Variants in DEUP1 observed in about 807,000 individuals in gnomAD.
DEUP1 encodes coiled-coil domain containing 67.
Under a neutral mutation model 87.4 loss-of-function variants are expected in DEUP1, and 82 were observed. That is an observed-to-expected ratio of 0.94 (90% CI 0.78 to 1.13). DEUP1 has a LOEUF of 1.13. DEUP1 is among the 50% of genes most tolerant of loss of function. DEUP1 has a pLI of 0.00. For missense variants in DEUP1, 663 were observed against 681.5 expected (o/e 0.97, Z 0.30); for synonymous variants, 214 against 222.7 (o/e 0.96, Z 0.35).
At chr11:93,390,305 T>G (rs1946728164) in intron 9 of DEUP1, among the ~76,000 whole-genome samples, 2 of 152,176 alleles carry the variant, frequency 1.3e-5, no homozygotes, top group South Asian at 4.1e-4. Context: ...TAACAAACAT[T>G]TGTTGAGTAT....
intron 7 of DEUP1, among the ~76,000 whole-genome samples, chr11:93,384,263 T>G (rs2134318678): frequency 6.6e-6 from 1 of 152,324 alleles, no homozygotes; most frequent in Admixed American, 6.5e-5. Context: ...TACCCTGCAC[T>G]TCTCCTTCTA....
rs1447840763 is a variant in DEUP1 at position 93,371,163 on chromosome 11, G to A, written c.672G>A (p.Glu224=). 3.1e-6 allele frequency: 5 copies of A among 1,613,006 alleles called. No homozygotes were observed. Among genetic ancestry groups the A allele is most frequent in the East Asian group, 2.2e-5 (1 of 44,816 alleles). ...ATTGTGAAATCAATGAAAGAGATGA[G>A]TTCATTATTGAAAAACTGAAATCAG... ...DPNCEINERD[E]FIIEKLKSAV... Residue 224 remains glutamate, a synonymous_variant, in exon 7 of 14, where the codon GAG becomes GAA. Transcript: ENST00000298050.
intron 4 of DEUP1, among the ~76,000 whole-genome samples, chr11:93,362,168 T>C (rs2134236913): frequency 6.6e-6 from 1 of 152,132 alleles, no homozygotes; most frequent in African/African-American, 2.4e-5. Context: ...AATGGTTTCT[T>C]AGATATGGCA....
chr11:93,336,168 G>T (rs1591071394), intron 2 of DEUP1, among the ~76,000 whole-genome samples: 1 of 152,090 alleles, frequency 6.6e-6, no homozygotes, highest in East Asian at 1.9e-4. Flanking sequence ...TAGCTGGGGA[G>T]ACCTCAGGAA....
chr11:93,338,568 C>G (rs1202857629), intron 2 of DEUP1, among the ~76,000 whole-genome samples: 1 of 151,668 alleles, frequency 6.6e-6, no homozygotes, highest in Non-Finnish European at 1.5e-5. Flanking sequence ...GACTGGCAAT[C>G]TTTTTGTTTT....
At chr11:93,383,427 G>A (rs190709816) in intron 7 of DEUP1, 9 of 467,414 alleles carry the variant, frequency 1.9e-5, no homozygotes, top group African/African-American at 9.9e-5. Flanking sequence ...ATTCCATAGA[G>A]ATAGAACATA....
At chr11:93,331,806 G>A (rs1281758683) in intron 1 of DEUP1, among the ~76,000 whole-genome samples, 1 of 152,156 alleles carries the variant, frequency 6.6e-6, no homozygotes, top group Non-Finnish European at 1.5e-5. Context: ...CTCAAGTTTG[G>A]GAGGCCGAGG....
In DEUP1 at chr11:93,332,298, G is replaced by A. The variant is rs1246303990; in HGVS notation, c.29+10G>A. The A allele has an allele frequency of 1.2e-6, 2 of 1,603,886 alleles. No individual in the cohort carries two copies. Among genetic ancestry groups the A allele is most frequent in the Non-Finnish European group, 1.7e-6 (2 of 1,174,004 alleles). On this transcript the variant is annotated intron_variant, in intron 2 of 13. Transcript: ENST00000298050. Reference sequence around the variant, plus strand: ...CCCATAATACGATGGGGTAAGTGCTGAGAAATTTCTGTTTAATAAGTATGT... The same window carrying A: ...CCCATAATACGATGGGGTAAGTGCTAAGAAATTTCTGTTTAATAAGTATGT...
Position 93,396,313 on chromosome 11 carries a change from C to A in DEUP1, c.1314C>A (p.Pro438=). 1 of 1,561,878 alleles carries A rather than the reference C, an allele frequency of 6.4e-7. No homozygotes were observed. The highest frequency in any genetic ancestry group is 8.7e-7 in the Non-Finnish European group (1 of 1,147,592). ...HLKGMMGDLD[P]GEYMSMDFTN... ...AAGGAATGATGGGAGATTTAGACCC[C>A]GGAGAATACATGGTAATATGCTGAC... The change falls in exon 11 of 14, where the codon CCC becomes CCA. Residue 438 remains proline (P), a synonymous_variant. Coordinates refer to ENST00000298050, the MANE Select transcript of DEUP1 (RefSeq NM_181645.4).
intron 12 of DEUP1, among the ~76,000 whole-genome samples, chr11:93,408,932 C>T (rs1394944447): frequency 6.6e-6 from 1 of 151,738 alleles, no homozygotes; most frequent in African/African-American, 2.4e-5. Flanking sequence ...TCTCGGCTCA[C>T]TCCAACCTCT....
At chr11:93,366,603 C>G (rs1383223619) in intron 5 of DEUP1, among the ~76,000 whole-genome samples, 3 of 152,144 alleles carry the variant, frequency 2.0e-5, no homozygotes, top group African/African-American at 4.8e-5. Flanking sequence ...CGCTGACTCG[C>G]TAGTTGTGAA....
chr11:93,436,096 T>A (rs1948242253), intron 13 of DEUP1, among the ~76,000 whole-genome samples: 1 of 152,224 alleles, frequency 6.6e-6, no homozygotes, highest in Non-Finnish European at 1.5e-5. Context: ...TGCATTAATT[T>A]TTGCTTTACC....
At chr11:93,385,073 T>C (rs912646762) in intron 7 of DEUP1, among the ~76,000 whole-genome samples, 5 of 152,084 alleles carry the variant, frequency 3.3e-5, no homozygotes, top group Non-Finnish European at 7.4e-5. Flanking sequence ...AATATAAAAA[T>C]TAGCTGGGCA....
At chr11:93,355,303 T>A in intron 2 of DEUP1, 68 bp from the exon 3 acceptor site, 1 of 1,318,738 alleles carries the variant, frequency 7.6e-7, no homozygotes. Flanking sequence ...TGCAGAGCAA[T>A]GTAATAATTT....
Position 93,364,240 on chromosome 11 carries a change from A to G in DEUP1, c.378A>G (p.Pro126=). 6.2e-7 allele frequency: 1 copy of G among 1,610,196 alleles called. No homozygotes were observed. ...KQNKVPRKEL[P]HLKEEIPFEL... The stretch of plus-strand genomic sequence containing the variant: ...ACAAAGTTCCACGAAAAGAATTACC[A>G]CACCTTAAAGAAGAAATACCCTTTG... Residue 126 remains proline (P), a synonymous_variant, in exon 5 of 14, where the codon CCA becomes CCG. Coordinates refer to ENST00000298050, the MANE Select transcript of DEUP1 (RefSeq NM_181645.4).
At chr11:93,370,253 C>G (rs12282978) in intron 6 of DEUP1, 67 bp downstream of exon 6, 222,509 of 831,748 alleles carry the variant, frequency 0.27, 31,309 homozygotes, top group South Asian at 0.4. Context: ...TTACCATTCA[C>G]CAGTAATCTA....
intron 11 of DEUP1, among the ~76,000 whole-genome samples, chr11:93,402,959 A>G (rs552440239): frequency 1.1e-4 from 17 of 152,054 alleles, no homozygotes; most frequent in African/African-American, 3.6e-4. Flanking sequence ...ACTAGGTAAC[A>G]TATATGTATG....
intron 13 of DEUP1, among the ~76,000 whole-genome samples, chr11:93,432,577 G>C (rs775481332): frequency 2.0e-5 from 3 of 152,202 alleles, no homozygotes; most frequent in Non-Finnish European, 4.4e-5. Context: ...GACCCGGGCA[G>C]ATGGGCCAGC....
At chr11:93,359,658 C>G (rs1945068140) in intron 4 of DEUP1, among the ~76,000 whole-genome samples, 1 of 152,142 alleles carries the variant, frequency 6.6e-6, no homozygotes, top group Non-Finnish European at 1.5e-5. Flanking sequence ...CAAGGAAAGT[C>G]TGCTCTCTCC....
Sources: gnomAD v4.1 joint callset for allele counts (sites outside exome capture counted in the v4.1 genomes callset) on GRCh38, gnomAD v4.1.1 for gene constraint, MANE v1.5 for transcripts, NCBI Gene and HGNC (gene_info 2026-07-23, HGNC 2026-07-21) for gene names.